CUBN: variants seen among roughly 807,000 people sequenced by gnomAD.
CUBN encodes 460 kDa receptor.
In CUBN, 282 loss-of-function variants were observed where a neutral mutation model predicts 405.3. The observed-to-expected ratio is 0.70, with a 90% confidence interval of 0.63 to 0.77. The LOEUF (loss-of-function observed/expected upper bound fraction) is 0.77, where lower values mean the gene tolerates loss of function less well. Among genes scored for constraint, CUBN ranks in the 30% least tolerant of loss-of-function variants. The probability of loss-of-function intolerance (pLI) is 0.00; values close to 1 mark genes in which losing one functional copy is unlikely to be tolerated. For synonymous variants in CUBN, 1,684 were observed against 1,617.0 expected (o/e 1.04, Z -0.99); for missense variants, 4,514 against 4,475.2 (o/e 1.01, Z -0.25).
chr10:16,838,049 A>G (rs995884803), intron 62 of CUBN, among the ~76,000 whole-genome samples: 3 of 152,188 alleles, frequency 2.0e-5, no homozygotes, highest in Non-Finnish European at 4.4e-5. Flanking sequence ...TAGGGTACCA[A>G]TGGGTAATAG....
chr10:17,102,595 CTTTTTTT>C (rs11357524), intron 13 of CUBN, among the ~76,000 whole-genome samples: 11 of 63,144 alleles, frequency 1.7e-4, no homozygotes, highest in African/African-American at 5.3e-4. Flanking sequence ...CCTTGTTACT[CTTTTTTT>C]TTTTTTTTTT....
intron 52 of CUBN, 45 bp from the exon 53 acceptor site, chr10:16,900,895 C>T (rs1166932414): frequency 1.5e-6 from 2 of 1,324,348 alleles, no homozygotes; most frequent in East Asian, 2.4e-5. Context: ...CTTTTATCAA[C>T]TGTTACGAAG....
intron 22 of CUBN, among the ~76,000 whole-genome samples, chr10:17,064,792 G>A (rs143428932): frequency 3.7e-4 from 56 of 152,182 alleles, no homozygotes; most frequent in African/African-American, 1.3e-3. Flanking sequence ...TACTTCATTT[G>A]CAAAGGGCAT....
intron 28 of CUBN, among the ~76,000 whole-genome samples, chr10:16,993,922 G>A (rs1458286344): frequency 6.6e-6 from 1 of 152,138 alleles, no homozygotes; most frequent in Admixed American, 6.5e-5. Flanking sequence ...TCTCCTTCAT[G>A]CTCTCACTAC....
intron 41 of CUBN, among the ~76,000 whole-genome samples, chr10:16,926,100 A>C (rs1842181487): frequency 6.6e-6 from 1 of 152,190 alleles, no homozygotes; most frequent in African/African-American, 2.4e-5. Flanking sequence ...TTCTATAAAG[A>C]AAAATGGATG....
chr10:17,040,905 T>G, intron 27 of CUBN, 128 bp downstream of exon 27: 1 of 782,136 alleles, frequency 1.3e-6, no homozygotes, highest in Non-Finnish European at 2.2e-6. Context: ...ATACCATGGG[T>G]GGTTGGTGTG....
chr10:16,842,251 C>T (rs1356166891), intron 60 of CUBN, among the ~76,000 whole-genome samples: 1 of 152,008 alleles, frequency 6.6e-6, no homozygotes, highest in Non-Finnish European at 1.5e-5. Context: ...CCTATGTTGT[C>T]CAGGCTAAAC....
At position 16,874,359 on chromosome 10, in the gene CUBN, A is replaced by G; in HGVS notation, c.9236+15T>C. 1 of 1,614,024 alleles carries G rather than the reference A, an allele frequency of 6.2e-7. No homozygotes were observed. Among genetic ancestry groups the G allele is most frequent in the Non-Finnish European group, 8.5e-7 (1 of 1,179,906 alleles). On this transcript the variant is annotated intron_variant, in intron 58 of 66. Transcript: ENST00000377833. ...TGAAAGGATTTTCTTAAGAAAGCCAATTTGTCTTACGTACTTGAGCTCGAT... is the reference window on the plus strand; with the variant it reads ...TGAAAGGATTTTCTTAAGAAAGCCAGTTTGTCTTACGTACTTGAGCTCGAT...
chr10:16,851,594 C>G (rs1839688372), intron 59 of CUBN, 151 bp from the exon 60 acceptor site: 2 of 754,038 alleles, frequency 2.7e-6, no homozygotes, highest in Admixed American at 4.1e-5. Flanking sequence ...CTCCTTTCCT[C>G]CCTCCCTCTT....
At chr10:16,862,836 T>G (rs1402162347) in intron 59 of CUBN, among the ~76,000 whole-genome samples, 1 of 152,214 alleles carries the variant, frequency 6.6e-6, no homozygotes. Context: ...ACATAATAAG[T>G]GCTTCTTCCC....
Position 16,868,155 on chromosome 10 carries a change from C to A in CUBN, c.9454+1481G>T, listed in dbSNP as rs551418369. On this transcript the variant is annotated intron_variant, in intron 59 of 66. Transcript: ENST00000377833. ...GTTAAGGCAACACTCTCTCACTGCC[C>A]GTGAGACTTGCTTTCAAGTTACTGT... 2.0e-5 allele frequency among the ~76,000 whole-genome samples: 3 copies of A among 152,228 alleles called. No homozygotes were observed. In the South Asian group the frequency reaches 6.2e-4, roughly 32 times the overall value.
chr10:16,875,968 C>A (rs544926014), intron 57 of CUBN, among the ~76,000 whole-genome samples: 1 of 152,312 alleles, frequency 6.6e-6, no homozygotes, highest in African/African-American at 2.4e-5. Context: ...GCCAACAGAG[C>A]TACACAGCCA....
intron 6 of CUBN, among the ~76,000 whole-genome samples, chr10:17,116,866 T>G (rs1443179043): frequency 6.6e-6 from 1 of 152,094 alleles, no homozygotes; most frequent in Non-Finnish European, 1.5e-5. Flanking sequence ...ATCCATGCAT[T>G]CAAGTCGGGA....
intron 22 of CUBN, among the ~76,000 whole-genome samples, chr10:17,053,769 G>C (rs916726713): frequency 2.6e-5 from 4 of 152,026 alleles, no homozygotes; most frequent in Admixed American, 2.6e-4. Flanking sequence ...AGACAACACA[G>C]TTTTTCAAGC....
intron 31 of CUBN, among the ~76,000 whole-genome samples, chr10:16,977,732 G>T (rs1833141080): frequency 6.6e-6 from 1 of 152,216 alleles, no homozygotes; most frequent in Non-Finnish European, 1.5e-5. Context: ...CTAGGGCTCT[G>T]GGAGTTGTAG....
intron 8 of CUBN, among the ~76,000 whole-genome samples, chr10:17,111,668 A>G (rs907640919): frequency 1.3e-5 from 2 of 152,206 alleles, no homozygotes; most frequent in Admixed American, 1.3e-4. Flanking sequence ...TCATGCCTGT[A>G]ATCCCAGCAC....
intron 31 of CUBN, among the ~76,000 whole-genome samples, chr10:16,974,771 C>A (rs1443713677): frequency 1.3e-5 from 2 of 152,030 alleles, no homozygotes; most frequent in East Asian, 3.9e-4. Context: ...AGACTAGCGC[C>A]CCCTCCCTCT....
chr10:16,964,791 T>C (rs1417711441), intron 31 of CUBN, among the ~76,000 whole-genome samples: 1 of 152,224 alleles, frequency 6.6e-6, no homozygotes, highest in Non-Finnish European at 1.5e-5. Flanking sequence ...GTATCAAGTT[T>C]AATGGACGTG....
rs1029648724 is a variant in CUBN at position 16,865,740 on chromosome 10, G to C, written c.9454+3896C>G. 2.0e-5 allele frequency among the ~76,000 whole-genome samples: 3 copies of C among 152,050 alleles called. 1 individual carries two copies. Among genetic ancestry groups the C allele is most frequent in the East Asian group, 3.9e-4 (2 of 5,188 alleles). Reference sequence around the variant, plus strand: ...GGACAAAAATGGAACATGGGAGGGGGCAATAAGGGAATAAAAGCTGGCCAC... The same window carrying C: ...GGACAAAAATGGAACATGGGAGGGGCCAATAAGGGAATAAAAGCTGGCCAC... On this transcript the variant is annotated intron_variant, in intron 59 of 66. Coordinates refer to ENST00000377833, the MANE Select transcript of CUBN (RefSeq NM_001081.4).
Sources: gnomAD v4.1 joint callset for allele counts (sites outside exome capture counted in the v4.1 genomes callset) on GRCh38, gnomAD v4.1.1 for gene constraint, MANE v1.5 for transcripts, NCBI Gene and HGNC (gene_info 2026-07-23, HGNC 2026-07-21) for gene names.